GALNT17: variants seen among roughly 807,000 people sequenced by gnomAD.
GALNT17 encodes UDP-GalNAc:polypeptide N-acetylgalactosaminyltransferase-like 3.
In GALNT17, 29 loss-of-function variants were observed where a neutral mutation model predicts 63.7. That is an observed-to-expected ratio of 0.46 (90% confidence interval 0.34 to 0.62). The LOEUF is 0.62. Among genes scored for constraint, GALNT17 ranks in the 20% least tolerant of loss-of-function variants. The pLI is 0.01. For synonymous variants in GALNT17, 305 were observed against 318.3 expected (o/e 0.96, Z 0.45); for missense variants, 603 against 799.6 (o/e 0.75, Z 2.97).
chr7:71,133,124 C>T (rs1272306095), intron 1 of GALNT17, 84 bp downstream of exon 1: 3 of 1,241,468 alleles, frequency 2.4e-6, no homozygotes, highest in Non-Finnish European at 3.2e-6. Context: ...CGCGCTGCGC[C>T]CTGTGCCTGG....
chr7:71,465,143 G>T (rs528185949), intron 5 of GALNT17, among the ~76,000 whole-genome samples: 2 of 152,290 alleles, frequency 1.3e-5, no homozygotes, highest in East Asian at 3.9e-4. Flanking sequence ...GTACAAGGAT[G>T]TTGTGAAAAT....
chr7:71,429,178 A>G (rs1293054115), intron 5 of GALNT17, among the ~76,000 whole-genome samples: 8 of 151,758 alleles, frequency 5.3e-5, no homozygotes, highest in African/African-American at 1.9e-4. Flanking sequence ...AACACAGTAC[A>G]TACATCTGAA....
At chr7:71,421,441 G>A (rs1006651351) in intron 5 of GALNT17, among the ~76,000 whole-genome samples, 3 of 152,050 alleles carry the variant, frequency 2.0e-5, no homozygotes, top group Non-Finnish European at 4.4e-5. Flanking sequence ...TTTTTTCTGG[G>A]GCTATTTTAT....
At chr7:71,642,081 A>C (rs1173511500) in intron 6 of GALNT17, among the ~76,000 whole-genome samples, 2 of 152,142 alleles carry the variant, frequency 1.3e-5, no homozygotes, top group African/African-American at 2.4e-5. Flanking sequence ...CTGACATGTT[A>C]CTGGGAACAC....
intron 1 of GALNT17, among the ~76,000 whole-genome samples, chr7:71,295,174 A>G (rs1791055865): frequency 6.6e-6 from 1 of 151,998 alleles, no homozygotes; most frequent in Non-Finnish European, 1.5e-5. Flanking sequence ...TTTCTCTTCA[A>G]CCTTTCCAAT....
intron 1 of GALNT17, among the ~76,000 whole-genome samples, chr7:71,276,303 C>T (rs1790680528): frequency 6.6e-6 from 1 of 152,138 alleles, no homozygotes; most frequent in Non-Finnish European, 1.5e-5. Context: ...ATCCAGTAAT[C>T]CCACTACTGG....
intron 5 of GALNT17, 116 bp downstream of exon 5, chr7:71,421,221 C>T (rs1050734113): frequency 9.0e-7 from 1 of 1,105,392 alleles, no homozygotes; most frequent in African/African-American, 1.6e-5. Context: ...GTGCACACAG[C>T]TCTCCAGGAG....
At chr7:71,285,545 A>G (rs980898346) in intron 1 of GALNT17, among the ~76,000 whole-genome samples, 1 of 152,172 alleles carries the variant, frequency 6.6e-6, no homozygotes, top group Non-Finnish European at 1.5e-5. Context: ...CAAAATTCAT[A>G]TGTTGAAATT....
intron 5 of GALNT17, among the ~76,000 whole-genome samples, chr7:71,525,736 C>CTTTTTTTTTTTTTTTTTTTTTTTTTT (rs71089950): frequency 1.3e-5 from 1 of 75,062 alleles, no homozygotes. Flanking sequence ...TATGTCTTTT[C>CTTTTTTTTTTTTTTTTTTTTTTTTTT]TTTTTTTTTT....
chr7:71,594,915 T>C (rs1012626934), intron 6 of GALNT17, among the ~76,000 whole-genome samples: 2 of 152,204 alleles, frequency 1.3e-5, no homozygotes, highest in African/African-American at 2.4e-5. Context: ...CATGACCTTA[T>C]TGGGACATAG....
chr7:71,525,137 A>G (rs967629732), intron 5 of GALNT17, among the ~76,000 whole-genome samples: 9 of 152,128 alleles, frequency 5.9e-5, no homozygotes, highest in African/African-American at 9.7e-5. Flanking sequence ...CACCAACTCA[A>G]TAGTTTTAGT....
chr7:71,652,391 C>T (rs1324365471), intron 6 of GALNT17, among the ~76,000 whole-genome samples: 1 of 152,180 alleles, frequency 6.6e-6, no homozygotes, highest in East Asian at 1.9e-4. Context: ...ATTATGCAAC[C>T]GTCCCGTTTA....
chr7:71,384,137 T>G (rs921965356), intron 2 of GALNT17, among the ~76,000 whole-genome samples: 5 of 152,180 alleles, frequency 3.3e-5, no homozygotes, highest in African/African-American at 4.8e-5. Context: ...GTTTTGTTTT[T>G]TTGTTTTTTG....
chr7:71,399,250 A>G (rs1793195276), intron 3 of GALNT17, among the ~76,000 whole-genome samples: 1 of 152,106 alleles, frequency 6.6e-6, no homozygotes, highest in Non-Finnish European at 1.5e-5. Context: ...CCTCCTCCAA[A>G]AAAAATGTGG....
intron 5 of GALNT17, among the ~76,000 whole-genome samples, chr7:71,512,340 CCTT>C (rs147291130): frequency 0.02 from 3,101 of 152,120 alleles, 108 homozygotes; most frequent in African/African-American, 0.071. Flanking sequence ...TGGAAGTTCC[CCTT>C]CTTTGCTCTC....
intron 5 of GALNT17, among the ~76,000 whole-genome samples, chr7:71,470,790 A>G (rs917961045): frequency 2.6e-5 from 4 of 152,206 alleles, no homozygotes; most frequent in Admixed American, 2.0e-4. Context: ...TTTGAATGCT[A>G]TTGGATTTTT....
At chr7:71,273,659 GA>G (rs1443110681) in intron 1 of GALNT17, among the ~76,000 whole-genome samples, 1 of 152,150 alleles carries the variant, frequency 6.6e-6, no homozygotes, top group Non-Finnish European at 1.5e-5. Flanking sequence ...AATGTTTTTG[GA>G]GCCTAATTCT....
At chr7:71,156,217 T>C (rs1231927071) in intron 1 of GALNT17, among the ~76,000 whole-genome samples, 1 of 151,444 alleles carries the variant, frequency 6.6e-6, no homozygotes, top group Non-Finnish European at 1.5e-5. Context: ...AAAAATTCAT[T>C]CTTAACTTGG....
chr7:71,317,483 C>T (rs1791520845), intron 1 of GALNT17, among the ~76,000 whole-genome samples: 1 of 152,056 alleles, frequency 6.6e-6, no homozygotes, highest in Non-Finnish European at 1.5e-5. Context: ...TTTGGGAGGC[C>T]AAGGTGGAAG....
Sources: gnomAD v4.1 joint callset for allele counts (sites outside exome capture counted in the v4.1 genomes callset) on GRCh38, gnomAD v4.1.1 for gene constraint, MANE v1.5 for transcripts, NCBI Gene and HGNC (gene_info 2026-07-23, HGNC 2026-07-21) for gene names.